CREB5: variants seen among roughly 807,000 people sequenced by gnomAD.
CREB5 encodes cyclic AMP-responsive element-binding protein 5.
In CREB5, 19 loss-of-function variants were observed where a neutral mutation model predicts 57.1. The ratio of observed to expected loss-of-function variants is 0.33; its 90% CI spans 0.23 to 0.49. The LOEUF (loss-of-function observed/expected upper bound fraction) is 0.49. CREB5 is among the 20% of genes least tolerant of loss of function. The probability of loss-of-function intolerance (pLI) is 0.99; values close to 1 mark genes in which losing one functional copy is unlikely to be tolerated. For synonymous variants in CREB5, 238 were observed against 238.3 expected, an observed-to-expected ratio of 1.00 and a Z score of 0.01; for missense variants, 579 against 671.6, an observed-to-expected ratio of 0.86 and a Z score of 1.52.
At chr7:28,650,331 T>C (rs951556354) in intron 5 of CREB5, among the ~76,000 whole-genome samples, 1 of 152,176 alleles carries the variant, frequency 6.6e-6, no homozygotes, top group African/African-American at 2.4e-5. Flanking sequence ...AGCCATGGAG[T>C]GGGACTGTGG....
chr7:28,757,289 AC>A (rs1366215413), intron 7 of CREB5, among the ~76,000 whole-genome samples: 1 of 152,172 alleles, frequency 6.6e-6, no homozygotes, highest in South Asian at 2.1e-4. Context: ...TGACATTTAA[AC>A]CGAGCAGCCA....
At chr7:28,504,849 A>G (rs1169078305) in intron 3 of CREB5, among the ~76,000 whole-genome samples, 1 of 152,166 alleles carries the variant, frequency 6.6e-6, no homozygotes, top group Non-Finnish European at 1.5e-5. Context: ...AGGAGTTTAA[A>G]AAAACCTCCT....
chr7:28,597,189 C>G (rs1006881701), intron 5 of CREB5, among the ~76,000 whole-genome samples: 1 of 152,172 alleles, frequency 6.6e-6, no homozygotes, highest in Admixed American at 6.5e-5. Context: ...CAGAACAATC[C>G]TGGAACCCAA....
chr7:28,727,989 T>C (rs1355033237), intron 7 of CREB5, among the ~76,000 whole-genome samples: 1 of 152,148 alleles, frequency 6.6e-6, no homozygotes, highest in Non-Finnish European at 1.5e-5. Flanking sequence ...TCTGTCACCC[T>C]GGTTGGAGTG....
At chr7:28,451,502 A>C (rs1789810270) in intron 1 of CREB5, among the ~76,000 whole-genome samples, 1 of 149,852 alleles carries the variant, frequency 6.7e-6, no homozygotes, top group African/African-American at 2.5e-5. Context: ...GTTTGTCTAT[A>C]TCTATATGTA....
At chr7:28,358,461 A>C (rs1332582463) in intron 1 of CREB5, among the ~76,000 whole-genome samples, 1 of 152,204 alleles carries the variant, frequency 6.6e-6, no homozygotes, top group East Asian at 1.9e-4. Context: ...TGGTTCTTGG[A>C]TATCACTGTT....
intron 7 of CREB5, among the ~76,000 whole-genome samples, chr7:28,774,103 G>A (rs917484091): frequency 6.6e-6 from 1 of 152,090 alleles, no homozygotes; most frequent in Non-Finnish European, 1.5e-5. Context: ...TCTTTTAACT[G>A]AAAGGTCACC....
chr7:28,526,807 A>G (rs934670919), intron 4 of CREB5, among the ~76,000 whole-genome samples: 3 of 152,216 alleles, frequency 2.0e-5, no homozygotes, highest in African/African-American at 4.8e-5. Context: ...ACAGGCCCCA[A>G]ACAGCTTGGA....
intron 5 of CREB5, among the ~76,000 whole-genome samples, chr7:28,701,139 G>C (rs1214075359): frequency 1.3e-5 from 2 of 152,152 alleles, no homozygotes; most frequent in African/African-American, 4.8e-5. Context: ...ATGCAAATGT[G>C]CAGCTCCCTG....
intron 7 of CREB5, among the ~76,000 whole-genome samples, chr7:28,740,193 A>G (rs968497743): frequency 6.6e-6 from 1 of 152,194 alleles, no homozygotes; most frequent in Non-Finnish European, 1.5e-5. Context: ...TAGGTGAACT[A>G]TGGGGTAGCT....
chr7:28,394,538 G>A (rs369246519), intron 1 of CREB5, among the ~76,000 whole-genome samples: 4 of 152,132 alleles, frequency 2.6e-5, no homozygotes, highest in African/African-American at 7.2e-5. Context: ...ATCTGGAGTC[G>A]CTGTATTAAT....
intron 1 of CREB5, among the ~76,000 whole-genome samples, chr7:28,366,721 T>C (rs1328999660): frequency 1.3e-5 from 2 of 152,216 alleles, no homozygotes; most frequent in Non-Finnish European, 2.9e-5. Flanking sequence ...TTGGACATCC[T>C]TCTGCAAATC....
intron 5 of CREB5, among the ~76,000 whole-genome samples, chr7:28,659,097 C>G (rs1201757026): frequency 1.3e-5 from 2 of 151,314 alleles, no homozygotes; most frequent in South Asian, 2.1e-4. Context: ...TGACTCATTC[C>G]TTTCACAAAT....
intron 7 of CREB5, among the ~76,000 whole-genome samples, chr7:28,760,543 A>G (rs1442008885): frequency 2.0e-5 from 3 of 152,144 alleles, no homozygotes; most frequent in Non-Finnish European, 4.4e-5. Flanking sequence ...TAGGGCATAT[A>G]TTATCATTTG....
intron 5 of CREB5, among the ~76,000 whole-genome samples, chr7:28,642,999 C>T (rs1019769177): frequency 0.013 from 1,829 of 144,264 alleles, 51 homozygotes; most frequent in African/African-American, 0.045. Flanking sequence ...CACACACACA[C>T]ACACACACAC....
At chr7:28,754,445 T>G (rs557452730) in intron 7 of CREB5, among the ~76,000 whole-genome samples, 1 of 152,274 alleles carries the variant, frequency 6.6e-6, no homozygotes, top group East Asian at 1.9e-4. Context: ...GGCCACCTGT[T>G]CTCAAAGGAA....
rs71555750 is a variant in CREB5 at position 28,560,859 on chromosome 7, CGTGT to C, written c.292-9504_292-9501del. Among the ~76,000 whole-genome samples, 11 of 32,718 alleles carry C rather than the reference CGTGT, an allele frequency of 3.4e-4. 1 individual carries two copies. The highest frequency in any genetic ancestry group is 1.6e-3 in the South Asian group (1 of 642). The allele number at this position is 32,718 out of a possible 152,430, so 21.5% of individuals were successfully genotyped here. On this transcript the variant is annotated intron_variant, in intron 4 of 10. Coordinates refer to ENST00000357727, the MANE Select transcript of CREB5 (RefSeq NM_182898.4). ...GTGTGTGTGTGCGCGTGTGTGTGTGCGTGTGCCTGCGTGCGCGTGCGTGCGTGCG... is the reference window on the plus strand; with the variant it reads ...GTGTGTGTGTGCGCGTGTGTGTGTGCGCCTGCGTGCGCGTGCGTGCGTGCG...
At chr7:28,419,470 G>T (rs1164160498) in intron 1 of CREB5, among the ~76,000 whole-genome samples, 2 of 149,212 alleles carry the variant, frequency 1.3e-5, no homozygotes, top group African/African-American at 2.4e-5. Flanking sequence ...GTGAGCTGTT[G>T]ATTAATAGTG....
intron 5 of CREB5, among the ~76,000 whole-genome samples, chr7:28,657,337 G>A (rs1035106335): frequency 5.3e-5 from 8 of 152,066 alleles, no homozygotes; most frequent in East Asian, 3.9e-4. Flanking sequence ...GATAATTCTC[G>A]CCAGTGATAT....
Sources: allele counts gnomAD v4.1 joint callset (sites outside exome capture counted in the v4.1 genomes callset), GRCh38; gene constraint gnomAD v4.1.1; transcripts MANE v1.5; gene names NCBI Gene and HGNC (gene_info 2026-07-23, HGNC 2026-07-21).